Variants in CSNK1G1 observed in about 807,000 individuals in gnomAD.
The protein encoded by CSNK1G1 is casein kinase 1 gamma 1.
CSNK1G1 carries 22 observed loss-of-function variants against 59.6 expected under a neutral mutation model. That is an observed-to-expected ratio of 0.37 (90% CI 0.26 to 0.53). The LOEUF (loss-of-function observed/expected upper bound fraction) is 0.53. Ranked by LOEUF, CSNK1G1 falls within the 20% of genes least tolerant of loss-of-function variation. CSNK1G1 has a pLI of 0.89. For missense variants in CSNK1G1, 384 were observed against 519.5 expected, an observed-to-expected ratio of 0.74 and a Z score of 2.54; for synonymous variants, 179 against 177.1, an observed-to-expected ratio of 1.01 and a Z score of -0.08.
rs949774932 is a variant in CSNK1G1 at position 64,214,882 on chromosome 15, G to A, written c.445-758C>T. 6.6e-6 allele frequency among the ~76,000 whole-genome samples: 1 copy of A among 151,512 alleles called. No individual in the cohort carries two copies. The highest frequency in any genetic ancestry group is 6.6e-5 in the Admixed American group (1 of 15,214). ...TCAAACTCCTGACCTTGGGTGATCCGTCCTCCTCGGCCTCCCAAAATGCTA... is the reference window on the plus strand; with the variant it reads ...TCAAACTCCTGACCTTGGGTGATCCATCCTCCTCGGCCTCCCAAAATGCTA... On this transcript the variant is annotated intron_variant, in intron 5 of 11. Coordinates refer to ENST00000303052, the MANE Select transcript of CSNK1G1 (RefSeq NM_022048.5). This position sits in a 1 kb window ranked among gnomAD's most constrained non-coding sequence, Gnocchi z 4.3.
chr15:64,241,304 G>C (rs2082690846), intron 4 of CSNK1G1, among the ~76,000 whole-genome samples: 1 of 152,104 alleles, frequency 6.6e-6, no homozygotes, highest in Admixed American at 6.6e-5. Flanking sequence ...TCCAGCAATA[G>C]GATATAACCA....
intron 1 of CSNK1G1, among the ~76,000 whole-genome samples, chr15:64,302,719 ACTTC>A (rs1284347954): frequency 6.6e-6 from 1 of 152,174 alleles, no homozygotes; most frequent in African/African-American, 2.4e-5. Flanking sequence ...TGTCAACTAT[ACTTC>A]CTTCCATTAT....
chr15:64,197,284 C>G (rs1347444678), intron 10 of CSNK1G1, among the ~76,000 whole-genome samples: 1 of 152,242 alleles, frequency 6.6e-6, no homozygotes, highest in African/African-American at 2.4e-5. Context: ...TAAGGAGACT[C>G]TTTAGGCATT....
intron 2 of CSNK1G1, among the ~76,000 whole-genome samples, chr15:64,261,227 C>A (rs1892670647): frequency 6.6e-6 from 1 of 152,218 alleles, no homozygotes; most frequent in Non-Finnish European, 1.5e-5. Flanking sequence ...GGACTTCTTG[C>A]ACACCAGATG....
At chr15:64,342,965 G>A (rs1897752403) in intron 1 of CSNK1G1, among the ~76,000 whole-genome samples, 1 of 152,108 alleles carries the variant, frequency 6.6e-6, no homozygotes. Context: ...CGCTGCTGCT[G>A]CTGCTGCTGG....
chr15:64,286,461 T>C (rs1232684197), intron 2 of CSNK1G1, among the ~76,000 whole-genome samples: 5 of 150,892 alleles, frequency 3.3e-5, no homozygotes, highest in Non-Finnish European at 7.4e-5. Context: ...CTACCTGGAA[T>C]AGTCCTTTAA....
chr15:64,339,100 C>T (rs1897554807), intron 1 of CSNK1G1, among the ~76,000 whole-genome samples: 1 of 151,992 alleles, frequency 6.6e-6, no homozygotes. Flanking sequence ...AGAAAAGGGG[C>T]TACAGGAAAA....
At chr15:64,177,668 C>A (rs943758361) in intron 11 of CSNK1G1, among the ~76,000 whole-genome samples, 1 of 152,072 alleles carries the variant, frequency 6.6e-6, no homozygotes, top group African/African-American at 2.4e-5. Context: ...TAGATTATAC[C>A]AATACAGAAT....
chr15:64,336,602 A>G (rs1171642747), intron 1 of CSNK1G1, among the ~76,000 whole-genome samples: 1 of 152,192 alleles, frequency 6.6e-6, no homozygotes, highest in African/African-American at 2.4e-5. Flanking sequence ...AAACAAAAAA[A>G]TAACAATAAT....
At chr15:64,325,662 T>C (rs1324235574) in intron 1 of CSNK1G1, among the ~76,000 whole-genome samples, 1 of 152,040 alleles carries the variant, frequency 6.6e-6, no homozygotes, top group East Asian at 1.9e-4. Context: ...CATCTCTAAA[T>C]TTTTACAGTA....
chr15:64,192,821 T>C (rs1311471611), intron 10 of CSNK1G1, among the ~76,000 whole-genome samples: 2 of 112,328 alleles, frequency 1.8e-5, no homozygotes, highest in Non-Finnish European at 3.3e-5. Flanking sequence ...CCACCCTGAG[T>C]GACAGAGTGA....
chr15:64,319,152 C>T (rs1896428450), intron 1 of CSNK1G1, among the ~76,000 whole-genome samples: 1 of 152,106 alleles, frequency 6.6e-6, no homozygotes, highest in Admixed American at 6.5e-5. Context: ...CTGCGCCTGA[C>T]CTAAACTTAC....
chr15:64,294,300 C>T (rs894469818), intron 2 of CSNK1G1, among the ~76,000 whole-genome samples: 2 of 152,074 alleles, frequency 1.3e-5, no homozygotes, highest in Admixed American at 1.3e-4. Context: ...TCTCAAACTC[C>T]TGATCTCAGG....
chr15:64,307,607 A>C (rs1232367585), intron 1 of CSNK1G1, among the ~76,000 whole-genome samples: 1 of 152,234 alleles, frequency 6.6e-6, no homozygotes, highest in African/African-American at 2.4e-5. Context: ...ACCACAGTAT[A>C]TCTAATCTTC....
At chr15:64,355,770 T>G (rs950620561) in intron 1 of CSNK1G1, among the ~76,000 whole-genome samples, 44 of 151,914 alleles carry the variant, frequency 2.9e-4, no homozygotes, top group Admixed American at 2.0e-4. Context: ...TCCGCCTACC[T>G]CTACCCCGCT....
intron 1 of CSNK1G1, among the ~76,000 whole-genome samples, chr15:64,334,658 C>T (rs987892987): frequency 2.0e-5 from 3 of 152,144 alleles, no homozygotes; most frequent in African/African-American, 4.8e-5. Context: ...ACGTGCAGTT[C>T]ACAACAGGGT....
intron 1 of CSNK1G1, among the ~76,000 whole-genome samples, chr15:64,320,246 A>T (rs1432731912): frequency 1.3e-5 from 2 of 152,082 alleles, no homozygotes; most frequent in Non-Finnish European, 2.9e-5. Flanking sequence ...CAAAAAAACA[A>T]ATGCATTAAT....
intron 10 of CSNK1G1, among the ~76,000 whole-genome samples, chr15:64,192,695 C>T (rs1240984975): frequency 6.6e-6 from 1 of 151,780 alleles, no homozygotes; most frequent in Non-Finnish European, 1.5e-5. Context: ...CCTGTCTCTA[C>T]TAAAAATGCA....
chr15:64,270,800 C>T (rs1469759606), intron 2 of CSNK1G1, among the ~76,000 whole-genome samples: 12 of 151,404 alleles, frequency 7.9e-5, no homozygotes, highest in Admixed American at 7.9e-4. Flanking sequence ...GTCCCAGAGA[C>T]TCTGGTATGT....
Sources: allele counts gnomAD v4.1 joint callset (sites outside exome capture counted in the v4.1 genomes callset), GRCh38; gene constraint gnomAD v4.1.1; non-coding constraint Gnocchi (gnomAD v3.1); transcripts MANE v1.5; gene names NCBI Gene and HGNC (gene_info 2026-07-23, HGNC 2026-07-21).